Variants in GARIN1A observed in about 807,000 individuals in gnomAD.
GARIN1A encodes Golgi-associated RAB2 interactor protein 1A.
At chr7:128,691,135 CA>C in the GARIN1A span, 1 of 151,962 alleles carries the variant, frequency 6.6e-6, no homozygotes, top group Admixed American at 6.6e-5. Context: ...TAGATTGAAT[CA>C]AAGCAGAGGA....
At chr7:128,707,220 A>ATGTGTGTGTGTGTG in the GARIN1A span, among the ~76,000 whole-genome samples, 2,100 of 147,252 alleles carry the variant, frequency 0.014, 42 homozygotes, top group African/African-American at 0.044. Context: ...GTGTGTATGT[A>ATGTGTGTGTGTGTG]TGTGTGTGTG....
chr7:128,697,850 C>A, the GARIN1A span: 2 of 152,438 alleles, frequency 1.3e-5, no homozygotes, highest in African/African-American at 4.8e-5. Flanking sequence ...CGCCACCCCA[C>A]CCCGACTGAC....
chr7:128,679,735 T>C, the GARIN1A span, among the ~76,000 whole-genome samples: 1 of 152,174 alleles, frequency 6.6e-6, no homozygotes, highest in East Asian at 1.9e-4. Flanking sequence ...GCTTCAAGTA[T>C]GTTATTGACT....
At chr7:128,675,586 C>T in the GARIN1A span, 8 of 1,395,250 alleles carry the variant, frequency 5.7e-6, no homozygotes, top group South Asian at 8.3e-5. Flanking sequence ...CACACCTGCC[C>T]CCAAGATGAT....
chr7:128,677,854 T>C, the GARIN1A span: 6 of 1,519,232 alleles, frequency 3.9e-6, no homozygotes, highest in Non-Finnish European at 5.4e-6. Context: ...GAAATAAGTA[T>C]ATATAAGTAT....
chr7:128,705,423 G>A, the GARIN1A span, among the ~76,000 whole-genome samples: 25 of 152,230 alleles, frequency 1.6e-4, no homozygotes, highest in Middle Eastern at 3.4e-3. Flanking sequence ...GAGCCGTGCC[G>A]TTCTCACAGC....
the GARIN1A span, among the ~76,000 whole-genome samples, chr7:128,697,137 A>G: frequency 1.3e-5 from 2 of 152,168 alleles, no homozygotes; most frequent in African/African-American, 4.8e-5. Flanking sequence ...TCCCCTACAC[A>G]ACCTTGGTTT....
the GARIN1A span, chr7:128,677,881 G>GTA: frequency 1.0e-5 from 10 of 961,542 alleles, no homozygotes; most frequent in Middle Eastern, 3.5e-4. Context: ...AAGTGTCTGT[G>GTA]TATATATATA....
chr7:128,672,586 G>A, the GARIN1A span: 1 of 1,325,274 alleles, frequency 7.5e-7, no homozygotes, highest in Admixed American at 2.2e-5. Flanking sequence ...CTGTCTTTCT[G>A]TTTCCAAAAC....
the GARIN1A span, among the ~76,000 whole-genome samples, chr7:128,692,767 C>T: frequency 6.6e-6 from 1 of 152,074 alleles, no homozygotes; most frequent in African/African-American, 2.4e-5. Context: ...GTGAGGCAGC[C>T]GGCAGGGAAG....
the GARIN1A span, among the ~76,000 whole-genome samples, chr7:128,702,384 G>A: frequency 6.6e-6 from 1 of 152,070 alleles, no homozygotes; most frequent in Non-Finnish European, 1.5e-5. Context: ...AAGACAGGAG[G>A]GAGATATTGG....
the GARIN1A span, among the ~76,000 whole-genome samples, chr7:128,679,713 C>G: frequency 1.3e-5 from 2 of 152,154 alleles, no homozygotes; most frequent in Non-Finnish European, 2.9e-5. Flanking sequence ...CCTCCTCTCA[C>G]TTAAGTTCTG....
At chr7:128,672,585 T>C in the GARIN1A span, 1 of 1,528,026 alleles carries the variant, frequency 6.5e-7, no homozygotes, top group Non-Finnish European at 8.8e-7. Flanking sequence ...GCTGTCTTTC[T>C]GTTTCCAAAA....
chr7:128,673,685 C>T, the GARIN1A span, among the ~76,000 whole-genome samples: 18 of 152,122 alleles, frequency 1.2e-4, no homozygotes, highest in Non-Finnish European at 1.8e-4. Context: ...ATGGAGTCCC[C>T]GGATTTTGGA....
At chr7:128,678,837 C>T in the GARIN1A span, among the ~76,000 whole-genome samples, 1 of 151,046 alleles carries the variant, frequency 6.6e-6, no homozygotes, top group East Asian at 1.9e-4. Context: ...TACTGTGTAT[C>T]TTATTACAAT....
the GARIN1A span, among the ~76,000 whole-genome samples, chr7:128,698,927 C>A: frequency 6.6e-6 from 1 of 152,146 alleles, no homozygotes; most frequent in Non-Finnish European, 1.5e-5. Context: ...GCCAGCTGAG[C>A]CCTGGAGGTT....
the GARIN1A span, among the ~76,000 whole-genome samples, chr7:128,671,974 C>G: frequency 0.45 from 68,125 of 151,476 alleles, 15,278 homozygotes; most frequent in East Asian, 0.56. Context: ...TCAAGGGGAG[C>G]CAAGAGGATT....
the GARIN1A span, among the ~76,000 whole-genome samples, chr7:128,707,909 C>T: frequency 6.7e-6 from 1 of 148,626 alleles, no homozygotes; most frequent in Non-Finnish European, 1.5e-5. Context: ...CTTTTTCTTC[C>T]TTCCTTCCTT....
chr7:128,683,063 C>T, the GARIN1A span: 2 of 1,611,922 alleles, frequency 1.2e-6, no homozygotes, highest in Non-Finnish European at 1.7e-6. Context: ...TGAGAGCTGC[C>T]TTGAGCCACA....
Sources: gnomAD v4.1 joint callset for allele counts (sites outside exome capture counted in the v4.1 genomes callset) on GRCh38, gnomAD v4.1.1 for gene constraint, MANE v1.5 for transcripts, NCBI Gene and HGNC (gene_info 2026-07-23, HGNC 2026-07-21) for gene names.